Variants in SCAPER observed in about 807,000 individuals in gnomAD.
SCAPER encodes S phase cyclin A-associated protein in the endoplasmic reticulum.
Under a neutral mutation model 182.2 loss-of-function variants are expected in SCAPER, and 98 were observed. The observed-to-expected ratio is 0.54, with a 90% confidence interval of 0.46 to 0.64. The LOEUF is 0.64. Ranked by LOEUF, SCAPER falls within the 30% of genes least tolerant of loss-of-function variation. The pLI, the probability that SCAPER is intolerant of heterozygous loss-of-function variation, is 0.00. For synonymous variants in SCAPER, 605 were observed against 564.6 expected (o/e 1.07, Z -1.01); for missense variants, 1,432 against 1,690.0 (o/e 0.85, Z 2.68).
intron 15 of SCAPER, among the ~76,000 whole-genome samples, chr15:76,738,645 A>G (rs1247604306): frequency 6.6e-6 from 1 of 152,058 alleles, no homozygotes; most frequent in Non-Finnish European, 1.5e-5. Flanking sequence ...AGGCCTGAGG[A>G]TAAGAAATGG....
Position 76,498,070 on chromosome 15 carries a change from C to T in SCAPER, c.2954+6789G>A, listed in dbSNP as rs529560117. The stretch of plus-strand genomic sequence containing the variant: ...AGGAAACTAAGTTGACAGATATTGG[C>T]GTATGTAACAAGACATTCCTTTAAT... On this transcript the variant is annotated intron_variant, in intron 24 of 31. Coordinates refer to ENST00000563290, the MANE Select transcript of SCAPER (RefSeq NM_020843.4). 1.2e-4 allele frequency among the ~76,000 whole-genome samples: 18 copies of T among 144,716 alleles called. No individual in the cohort carries two copies. In the East Asian group the frequency reaches 2.5e-3, roughly 20 times the overall value. 94.9% of individuals were successfully genotyped at this position (144,716 alleles called of 152,430 possible).
chr15:76,756,070 T>G (rs1227807624), intron 14 of SCAPER, among the ~76,000 whole-genome samples: 1 of 151,716 alleles, frequency 6.6e-6, no homozygotes, highest in East Asian at 1.9e-4. Context: ...TGGTGAAACC[T>G]CGTCTCTACC....
intron 25 of SCAPER, among the ~76,000 whole-genome samples, chr15:76,461,555 G>A (rs1421377979): frequency 6.6e-6 from 1 of 151,670 alleles, no homozygotes; most frequent in African/African-American, 2.4e-5. Flanking sequence ...TTCAGGTATT[G>A]TATTTTCTAG....
intron 30 of SCAPER, among the ~76,000 whole-genome samples, chr15:76,351,760 C>T (rs117761815): frequency 1.3e-5 from 2 of 152,268 alleles, no homozygotes; most frequent in East Asian, 3.9e-4. Context: ...TCTAGTAACT[C>T]AGTTATAATG....
At chr15:76,899,738 C>T (rs1457977246) in intron 1 of SCAPER, among the ~76,000 whole-genome samples, 1 of 151,760 alleles carries the variant, frequency 6.6e-6, no homozygotes, top group Non-Finnish European at 1.5e-5. Flanking sequence ...CCTGGCTGCC[C>T]ATCGTCTGGG....
chr15:76,401,371 C>A (rs995667515), intron 27 of SCAPER, among the ~76,000 whole-genome samples: 1 of 152,144 alleles, frequency 6.6e-6, no homozygotes, highest in Non-Finnish European at 1.5e-5. Flanking sequence ...TCTACTCCCT[C>A]GTAATGTATT....
intron 23 of SCAPER, among the ~76,000 whole-genome samples, chr15:76,522,034 C>T (rs893743076): frequency 5.9e-5 from 9 of 152,044 alleles, no homozygotes; most frequent in South Asian, 2.1e-4. Context: ...GCTTTGTGCC[C>T]GCAAGAATTT....
chr15:76,696,515 A>G (rs556055629), intron 20 of SCAPER, among the ~76,000 whole-genome samples: 1 of 152,304 alleles, frequency 6.6e-6, no homozygotes, highest in East Asian at 1.9e-4. Flanking sequence ...GGTAACAAAC[A>G]GAGCTTGTAC....
intron 24 of SCAPER, among the ~76,000 whole-genome samples, chr15:76,497,942 G>A (rs763502142): frequency 8.1e-6 from 1 of 122,904 alleles, no homozygotes; most frequent in African/African-American, 3.0e-5. Flanking sequence ...AGTGAGCCGA[G>A]ATTGTGCCAC....
chr15:76,672,537 CAAA>C (rs1035015775), intron 20 of SCAPER, among the ~76,000 whole-genome samples: 1 of 150,934 alleles, frequency 6.6e-6, no homozygotes, highest in Non-Finnish European at 1.5e-5. Flanking sequence ...TCTTAAAACT[CAAA>C]AAAAGATTGC....
chr15:76,654,757 A>G (rs1466572511), intron 21 of SCAPER, among the ~76,000 whole-genome samples: 1 of 152,224 alleles, frequency 6.6e-6, no homozygotes, highest in African/African-American at 2.4e-5. Flanking sequence ...GGCCTGGCTC[A>G]CCAGGTCCTA....
intron 22 of SCAPER, among the ~76,000 whole-genome samples, chr15:76,607,125 A>T (rs1231189594): frequency 6.6e-6 from 1 of 152,164 alleles, no homozygotes; most frequent in Admixed American, 6.5e-5. Context: ...TGGTCTTTAC[A>T]ATTTGGCATG....
chr15:76,612,524 CTG>C (rs1416897552), intron 22 of SCAPER, among the ~76,000 whole-genome samples: 2 of 152,180 alleles, frequency 1.3e-5, no homozygotes, highest in Non-Finnish European at 2.9e-5. Flanking sequence ...GCATGAGGCA[CTG>C]TGCCCAACCC....
intron 24 of SCAPER, among the ~76,000 whole-genome samples, chr15:76,483,722 C>A (rs893927239): frequency 2.0e-5 from 3 of 152,034 alleles, no homozygotes; most frequent in African/African-American, 4.8e-5. Context: ...ACACAGTATA[C>A]AGATTGTAAA....
At chr15:76,414,298 G>A (rs556019051) in intron 26 of SCAPER, among the ~76,000 whole-genome samples, 2 of 151,966 alleles carry the variant, frequency 1.3e-5, no homozygotes, top group African/African-American at 4.8e-5. Flanking sequence ...TTTCTTTGTG[G>A]AAAGTTTAAG....
chr15:76,566,691 A>G lies in SCAPER; in HGVS notation c.2838+7467T>C, dbSNP rs183942263. 1.4e-4 allele frequency among the ~76,000 whole-genome samples: 21 copies of G among 152,260 alleles called. No individual in the cohort carries two copies. The East Asian group carries it at 2.9e-3, about 21-fold the overall frequency. On this transcript the variant is annotated intron_variant, in intron 23 of 31. Transcript: ENST00000563290. ...AGGAAAATACTTTTGCACATGTAAG[A>G]GTATTTTTTAAACTCTTTTTTGAAA...
chr15:76,871,893 A>G (rs1278010622), intron 2 of SCAPER, among the ~76,000 whole-genome samples: 1 of 152,072 alleles, frequency 6.6e-6, no homozygotes, highest in African/African-American at 2.4e-5. Context: ...GCCTGGCACA[A>G]TTTGCATTTT....
chr15:76,359,686 C>A (rs1273641184), intron 29 of SCAPER, among the ~76,000 whole-genome samples: 1 of 152,210 alleles, frequency 6.6e-6, no homozygotes, highest in Admixed American at 6.5e-5. Context: ...CCAGGCAGAA[C>A]AGCCAAAGGC....
chr15:76,516,828 G>T (rs1444125221), intron 23 of SCAPER, among the ~76,000 whole-genome samples: 3 of 152,124 alleles, frequency 2.0e-5, no homozygotes, highest in African/African-American at 4.8e-5. Flanking sequence ...GAGGAAACAG[G>T]AACCCAAATT....
Sources: allele counts gnomAD v4.1 joint callset (sites outside exome capture counted in the v4.1 genomes callset), GRCh38; gene constraint gnomAD v4.1.1; transcripts MANE v1.5; gene names NCBI Gene and HGNC (gene_info 2026-07-23, HGNC 2026-07-21).